ZNF462: variants seen among roughly 807,000 people sequenced by gnomAD.
ZNF462 encodes the protein zinc finger PBX1-interacting protein.
ZNF462 carries 10 observed loss-of-function variants against 201.9 expected under a neutral mutation model. The observed-to-expected ratio is 0.05, with a 90% CI of 0.03 to 0.08. The LOEUF (loss-of-function observed/expected upper bound fraction) is 0.08, where lower values mean the gene tolerates loss of function less well. ZNF462 is among the 10% of genes least tolerant of loss of function. ZNF462 has a pLI of 1.00. For synonymous variants in ZNF462, 1,227 were observed against 1,193.3 expected (o/e 1.03, Z -0.58); for missense variants, 2,523 against 3,168.3 (o/e 0.80, Z 4.89).
chr9:106,994,769 A>G (rs1182835062), intron 10 of ZNF462, among the ~76,000 whole-genome samples: 1 of 152,132 alleles, frequency 6.6e-6, no homozygotes, highest in African/African-American at 2.4e-5. Flanking sequence ...AGTATTTCTC[A>G]AATAGACATT....
At chr9:106,910,052 G>T (rs987283491) in intron 1 of ZNF462, among the ~76,000 whole-genome samples, 18 of 151,998 alleles carry the variant, frequency 1.2e-4, no homozygotes, top group Non-Finnish European at 2.6e-4. Flanking sequence ...TGCATTTTGT[G>T]CAGTTTTTTG....
In ZNF462 at chr9:106,932,807, T is replaced by G. The variant is rs948005199; in HGVS notation, c.6116+258T>G. The G allele has an allele frequency of 1.0e-5, 6 of 583,802 alleles. No homozygotes were observed. Among genetic ancestry groups the G allele is most frequent in the African/African-American group, 7.5e-5 (4 of 53,506 alleles). The allele number at this position is 583,802 out of a possible 1,614,324, so 36.2% of individuals were successfully genotyped here. Reference sequence around the variant, plus strand: ...GGAATTGCTATGATTTACCCAAAGGTAAAATGGCATCTGTGGAGAGTAGAT... The same window carrying G: ...GGAATTGCTATGATTTACCCAAAGGGAAAATGGCATCTGTGGAGAGTAGAT... On this transcript the variant is annotated intron_variant, in intron 5 of 12. Transcript: ENST00000277225. The surrounding 1 kb of genome is among the most constrained non-coding windows in gnomAD (Gnocchi z 6.8).
intron 11 of ZNF462, among the ~76,000 whole-genome samples, chr9:107,004,942 A>G (rs1370109036): frequency 6.6e-6 from 1 of 152,016 alleles, no homozygotes; most frequent in Admixed American, 6.6e-5. Flanking sequence ...GTTTCCCCAC[A>G]TAAGTGAGAT....
chr9:106,881,246 C>T (rs1274293721), intron 1 of ZNF462, among the ~76,000 whole-genome samples: 1 of 152,116 alleles, frequency 6.6e-6, no homozygotes, highest in Admixed American at 6.5e-5. Flanking sequence ...GGAGCAGCAG[C>T]GTGCCCTCAT....
Position 106,972,366 on chromosome 9 carries a change from T to G in ZNF462, c.6695+94T>G. ...TCCCTTACACTTTCCTACTTGGAGC[T>G]TATGGGAGGCCCTGCCCATGTGATG... On this transcript the variant is annotated intron_variant, in intron 8 of 12. Coordinates refer to ENST00000277225, the MANE Select transcript of ZNF462 (RefSeq NM_021224.6). The surrounding 1 kb of genome is among the most constrained non-coding windows in gnomAD (Gnocchi z 4.8). 2 of 1,509,580 alleles carry G rather than the reference T, an allele frequency of 1.3e-6. No individual in the cohort carries two copies. The highest frequency in any genetic ancestry group is 1.8e-6 in the Non-Finnish European group (2 of 1,124,696). 93.5% of individuals were successfully genotyped at this position (1,509,580 alleles called of 1,614,324 possible). A position where few individuals can be genotyped will look rare whatever the true frequency, so the allele number is the denominator to read the frequency against.
chr9:106,977,529 T>C lies in ZNF462; in HGVS notation c.6832+3256T>C, dbSNP rs1472343901. Among the ~76,000 whole-genome samples the C allele has an allele frequency of 2.0e-5, 3 of 151,642 alleles. No individual in the cohort carries two copies. Among genetic ancestry groups the C allele is most frequent in the East Asian group, 3.8e-4 (2 of 5,198 alleles). ...AATATGAACTAATCAGGGATTTATG[T>C]TGGCCACAGCAAAAGAGAGTATGAT... On this transcript the variant is annotated intron_variant, in intron 9 of 12. Transcript: ENST00000277225. This position sits in a 1 kb window ranked among gnomAD's most constrained non-coding sequence, Gnocchi z 4.6.
At position 106,886,406 on chromosome 9, in the gene ZNF462, G is replaced by A. The variant is rs966111874; in HGVS notation, c.-31+23051G>A. 6.6e-6 allele frequency among the ~76,000 whole-genome samples: 1 copy of A among 152,166 alleles called. No homozygotes were observed. The highest frequency in any genetic ancestry group is 1.5e-5 in the Non-Finnish European group (1 of 68,028). ...AGGGTATCCAACTCTCAGGATTCAA[G>A]CCACTGCATGTTGGCAATGTAGTAG... On this transcript the variant is annotated intron_variant, in intron 1 of 12. Transcript: ENST00000277225. The surrounding 1 kb of genome is among the most constrained non-coding windows in gnomAD (Gnocchi z 4.6).
chr9:106,984,733 A>AT lies in ZNF462; in HGVS notation c.7056+330dup, dbSNP rs1827702450. On this transcript the variant is annotated intron_variant, in intron 10 of 12. Transcript: ENST00000277225. This position sits in a 1 kb window ranked among gnomAD's most constrained non-coding sequence, Gnocchi z 6.4. Reference sequence around the variant, plus strand: ...CTATACATAAAACATGATACCTTACATTTTTTAAAGCTTATTCTAAAAGAA... The same window carrying AT: ...CTATACATAAAACATGATACCTTACATTTTTTTAAAGCTTATTCTAAAAGAA... Among the ~76,000 whole-genome samples the AT allele has an allele frequency of 6.6e-6, 1 of 152,114 alleles. No homozygotes were observed. Among genetic ancestry groups the AT allele is most frequent in the Non-Finnish European group, 1.5e-5 (1 of 68,006 alleles).
At chr9:107,000,163 T>A (rs1258497543) in intron 10 of ZNF462, among the ~76,000 whole-genome samples, 1 of 151,786 alleles carries the variant, frequency 6.6e-6, no homozygotes, top group East Asian at 1.9e-4. Flanking sequence ...AGGCATAGAC[T>A]CCTCGAGGGC....
chr9:106,894,539 T>A (rs1006723880), intron 1 of ZNF462, among the ~76,000 whole-genome samples: 3 of 152,232 alleles, frequency 2.0e-5, no homozygotes, highest in Non-Finnish European at 4.4e-5. Flanking sequence ...ATTAGCTTTT[T>A]AAATCTCTCA....
In ZNF462 at chr9:106,926,544, G is replaced by A. The variant is rs1830199556; in HGVS notation, c.2632G>A (p.Asp878Asn). The change falls in exon 3 of 13, where the codon GAC becomes AAC. Residue 878 changes from aspartate to asparagine, a missense_variant. Coordinates refer to ENST00000277225, the MANE Select transcript of ZNF462 (RefSeq NM_021224.6). The surrounding 1 kb of genome is among the most constrained non-coding windows in gnomAD (Gnocchi z 7.9). The part of the protein sequence containing the change: ...YIKFSFRYIL[D>N]PNDHSAVYRC... ...TAAATTCAGCTTTAGGTACATCTTG[G>A]ACCCCAATGATCACAGTGCAGTGTA... The A allele has an allele frequency of 6.2e-7, 1 of 1,613,936 alleles. No individual in the cohort carries two copies. The highest frequency in any genetic ancestry group is 8.5e-7 in the Non-Finnish European group (1 of 1,179,994).
intron 4 of ZNF462, among the ~76,000 whole-genome samples, chr9:106,931,576 A>G (rs1199293199): frequency 1.3e-5 from 2 of 152,214 alleles, no homozygotes; most frequent in Non-Finnish European, 2.9e-5. Flanking sequence ...ACCCAGGGAT[A>G]TCAGCAGTCA....
Position 106,870,717 on chromosome 9 carries a change from G to C in ZNF462, c.-31+7362G>C, listed in dbSNP as rs994144014. Reference sequence around the variant, plus strand: ...AAGCGAAGTCTTACCTTTGGGTTCAGCTTGGTTGGAGCACAAAAGGAGCTG... The same window carrying C: ...AAGCGAAGTCTTACCTTTGGGTTCACCTTGGTTGGAGCACAAAAGGAGCTG... On this transcript the variant is annotated intron_variant, in intron 1 of 12. Coordinates refer to ENST00000277225, the MANE Select transcript of ZNF462 (RefSeq NM_021224.6). This position sits in a 1 kb window ranked among gnomAD's most constrained non-coding sequence, Gnocchi z 4.3. Among the ~76,000 whole-genome samples, 5 of 152,150 alleles carry C rather than the reference G, an allele frequency of 3.3e-5. No homozygotes were observed. The highest frequency in any genetic ancestry group is 1.2e-4 in the African/African-American group (5 of 41,428).
rs1488366389 is a variant in ZNF462 at position 106,872,863 on chromosome 9, G to A, written c.-31+9508G>A. ...CTTAAAAAATGCTGTCTTCCCTCGT[G>A]GACTGACTCATAGTTAATACTGGAC... is the stretch of plus-strand genomic sequence containing the variant. On this transcript the variant is annotated intron_variant, in intron 1 of 12. Coordinates refer to ENST00000277225, the MANE Select transcript of ZNF462 (RefSeq NM_021224.6). This position sits in a 1 kb window ranked among gnomAD's most constrained non-coding sequence, Gnocchi z 4.5. Among the ~76,000 whole-genome samples the A allele has an allele frequency of 6.6e-6, 1 of 152,068 alleles. No individual in the cohort carries two copies. The highest frequency in any genetic ancestry group is 2.4e-5 in the African/African-American group (1 of 41,396).
Position 106,978,973 on chromosome 9 carries a change from C to T in ZNF462, c.6832+4700C>T, listed in dbSNP as rs1827215715. On this transcript the variant is annotated intron_variant, in intron 9 of 12. Coordinates refer to ENST00000277225, the MANE Select transcript of ZNF462 (RefSeq NM_021224.6). The surrounding 1 kb of genome is among the most constrained non-coding windows in gnomAD (Gnocchi z 4.1). ...TCCAAGTTAATGTGTGTGAAGGCAA[C>T]AGTAGTGCAGATCTCCCTGTGGACT... 2 of 263,208 alleles carry T rather than the reference C, an allele frequency of 7.6e-6. No individual in the cohort carries two copies. Among genetic ancestry groups the T allele is most frequent in the Non-Finnish European group, 1.4e-5 (2 of 138,564 alleles). 16.3% of individuals were successfully genotyped at this position (263,208 alleles called of 1,614,324 possible). A position where few individuals can be genotyped will look rare whatever the true frequency, so the allele number is the denominator to read the frequency against.
At chr9:106,951,059 C>T (rs1353202142) in intron 7 of ZNF462, among the ~76,000 whole-genome samples, 1 of 151,124 alleles carries the variant, frequency 6.6e-6, no homozygotes, top group Non-Finnish European at 1.5e-5. Context: ...CACTGCACTC[C>T]AGCCTGGGCA....
chr9:106,923,679 C>G lies in ZNF462; in HGVS notation c.220+76C>G, dbSNP rs1215648773. On this transcript the variant is annotated intron_variant, in intron 2 of 12. Coordinates refer to ENST00000277225, the MANE Select transcript of ZNF462 (RefSeq NM_021224.6). This position sits in a 1 kb window ranked among gnomAD's most constrained non-coding sequence, Gnocchi z 5.6. The stretch of plus-strand genomic sequence containing the variant: ...TTCCTTTTAGCCTGTAGCCATGGTT[C>G]TTAATATACGTGGCTTTTGCAGAGT... 40 of 1,481,478 alleles carry G rather than the reference C, an allele frequency of 2.7e-5. No homozygotes were observed. Among genetic ancestry groups the G allele is most frequent in the Non-Finnish European group, 3.5e-5 (38 of 1,072,132 alleles). 91.8% of individuals were successfully genotyped at this position (1,481,478 alleles called of 1,614,324 possible).
At position 106,872,594 on chromosome 9, in the gene ZNF462, C is replaced by A. The variant is rs1367873398; in HGVS notation, c.-31+9239C>A. Among the ~76,000 whole-genome samples, 1 of 152,116 alleles carries A rather than the reference C, an allele frequency of 6.6e-6. No homozygotes were observed. Among genetic ancestry groups the A allele is most frequent in the African/African-American group, 2.4e-5 (1 of 41,414 alleles). ...TCCAGGCTGGTCTCGAACTCCTGAG[C>A]TCAGGCAATCTGCCTGCCTCGGCCT... On this transcript the variant is annotated intron_variant, in intron 1 of 12. Coordinates refer to ENST00000277225, the MANE Select transcript of ZNF462 (RefSeq NM_021224.6). The surrounding 1 kb of genome is among the most constrained non-coding windows in gnomAD (Gnocchi z 4.5).
At position 106,938,941 on chromosome 9, in the gene ZNF462, G is replaced by GTGCTCA. The variant is rs774978912; in HGVS notation, c.6263_6268dup (p.Cys2088_Ser2089dup). ...GTGAGCATGCCTACAAGTGTTCTTGGTGCTCATTCTCCACCATGACAATCA... is the reference window on the plus strand; with the variant it reads ...GTGAGCATGCCTACAAGTGTTCTTGGTGCTCATGCTCATTCTCCACCATGACAATCA... On this transcript the variant is annotated inframe_insertion, in exon 7 of 13. Coordinates refer to ENST00000277225, the MANE Select transcript of ZNF462 (RefSeq NM_021224.6). This position sits in a 1 kb window ranked among gnomAD's most constrained non-coding sequence, Gnocchi z 4.4. 47 of 1,611,004 alleles carry GTGCTCA rather than the reference G, an allele frequency of 2.9e-5. No homozygotes were observed. The highest frequency in any genetic ancestry group is 3.1e-5 in the Non-Finnish European group (37 of 1,178,794).
Sources: gnomAD v4.1 joint callset for allele counts (sites outside exome capture counted in the v4.1 genomes callset) on GRCh38, gnomAD v4.1.1 for gene constraint, Gnocchi (gnomAD v3.1) non-coding constraint, MANE v1.5 for transcripts, NCBI Gene and HGNC (gene_info 2026-07-23, HGNC 2026-07-21) for gene names.